The following TMPRSS15 variants were observed in gnomAD, a reference collection of about 807,000 sequenced individuals.
The protein encoded by TMPRSS15 is transmembrane serine protease 15.
TMPRSS15 carries 128 observed loss-of-function variants against 125.3 expected under a neutral mutation model. The observed-to-expected ratio is 1.02, with a 90% CI of 0.89 to 1.18. The LOEUF (loss-of-function observed/expected upper bound fraction) is 1.18. TMPRSS15 is among the 50% of genes most tolerant of loss of function. The probability of loss-of-function intolerance (pLI) is 0.00; values close to 1 mark genes in which losing one functional copy is unlikely to be tolerated. For missense variants in TMPRSS15, 1,283 were observed against 1,212.7 expected (o/e 1.06, Z -0.86); for synonymous variants, 446 against 423.2 (o/e 1.05, Z -0.66).
intron 1 of TMPRSS15, among the ~76,000 whole-genome samples, chr21:18,401,922 A>G (rs1190035359): frequency 6.6e-6 from 1 of 152,188 alleles, no homozygotes; most frequent in Non-Finnish European, 1.5e-5. Context: ...AGGGATTCCA[A>G]TGGACTTTCA....
intron 6 of TMPRSS15, 91 bp downstream of exon 6, chr21:18,372,102 G>GTGTGTGTGTGTGTGTGTT: frequency 1.3e-6 from 1 of 772,902 alleles, no homozygotes; most frequent in Non-Finnish European, 2.0e-6. Context: ...ATTAGAATGT[G>GTGTGTGTGTGTGTGTGTT]TGTGTGTGTG....
At chr21:18,284,157 T>TC (rs1315753776) in intron 21 of TMPRSS15, among the ~76,000 whole-genome samples, 3 of 152,168 alleles carry the variant, frequency 2.0e-5, no homozygotes, top group Admixed American at 1.3e-4. Flanking sequence ...CCGCCATGTA[T>TC]CATTTACATC....
At chr21:18,406,174 C>T (rs1432079002), upstream of TMPRSS15, among the ~76,000 whole-genome samples, 1 of 152,138 alleles carries the variant, frequency 6.6e-6, no homozygotes, top group Non-Finnish European at 1.5e-5. Context: ...CAGTTACCAT[C>T]ATAGGCATCT....
At chr21:18,281,905 G>A (rs1301069942) in intron 21 of TMPRSS15, among the ~76,000 whole-genome samples, 1 of 151,860 alleles carries the variant, frequency 6.6e-6, no homozygotes, top group Non-Finnish European at 1.5e-5. Flanking sequence ...AGACCATCTT[G>A]GTTAACACGG....
At chr21:18,421,984 C>CT (rs569146471) in intron 1 of TMPRSS15, among the ~76,000 whole-genome samples, 3,626 of 135,092 alleles carry the variant, frequency 0.027, 96 homozygotes, top group African/African-American at 0.052. Flanking sequence ...AAGTATTACT[C>CT]TTTTTTTTTT....
intron 16 of TMPRSS15, among the ~76,000 whole-genome samples, chr21:18,319,680 C>T (rs896658086): frequency 3.3e-5 from 5 of 152,144 alleles, no homozygotes; most frequent in Admixed American, 1.3e-4. Context: ...CTGGCCGCCT[C>T]GGCCTCCCAA....
chr21:18,413,718 G>A lies in TMPRSS15; in HGVS notation c.11-15389C>T, dbSNP rs545027809. Reference sequence around the variant, plus strand: ...GCTGAGATTACAGGCGTGAGCCACCGCGTCCTGAACTCTTTATTTCTTGCT... The same window carrying A: ...GCTGAGATTACAGGCGTGAGCCACCACGTCCTGAACTCTTTATTTCTTGCT... On this transcript the variant is annotated intron_variant, in intron 1 of 7. Transcript: ENST00000422787. Among the ~76,000 whole-genome samples, 452 of 150,882 alleles carry A rather than the reference G, an allele frequency of 3.0e-3. 1 individual carries two copies. The highest frequency in any genetic ancestry group is 0.01 in the African/African-American group (424 of 41,078).
intron 18 of TMPRSS15, among the ~76,000 whole-genome samples, chr21:18,305,365 T>A (rs920337894): frequency 1.9e-4 from 29 of 151,972 alleles, no homozygotes; most frequent in Non-Finnish European, 3.8e-4. Flanking sequence ...ATTTTTTGTA[T>A]TTTTAGTAGA....
intron 1 of TMPRSS15, among the ~76,000 whole-genome samples, chr21:18,428,444 C>T (rs1310524501): frequency 1.3e-5 from 2 of 152,150 alleles, no homozygotes; most frequent in Non-Finnish European, 2.9e-5. Context: ...GTCTCCAGGG[C>T]ATGTCAGAGG....
chr21:18,314,449 C>T (rs775435180), intron 17 of TMPRSS15, among the ~76,000 whole-genome samples: 20 of 151,690 alleles, frequency 1.3e-4, no homozygotes, highest in Middle Eastern at 6.8e-3. Context: ...TGGCAAATTT[C>T]GTATTTTTAG....
chr21:18,474,538 C>A (rs1406462533), intron 1 of TMPRSS15, among the ~76,000 whole-genome samples: 1 of 152,110 alleles, frequency 6.6e-6, no homozygotes, highest in African/African-American at 2.4e-5. Context: ...GATCCATACA[C>A]CTCGGCCTCC....
intron 23 of TMPRSS15, 147 bp from the exon 24 acceptor site, chr21:18,275,483 C>T (rs2074609105): frequency 1.1e-6 from 1 of 936,780 alleles, no homozygotes; most frequent in East Asian, 2.6e-5. Flanking sequence ...CTAAACCTTG[C>T]ACACTAAAGC....
intron 16 of TMPRSS15, among the ~76,000 whole-genome samples, chr21:18,321,996 C>T (rs2824740): frequency 0.56 from 85,159 of 152,000 alleles, 24,328 homozygotes; most frequent in East Asian, 0.66. Context: ...AAAATAACTT[C>T]ATACATTACA....
intron 18 of TMPRSS15, among the ~76,000 whole-genome samples, chr21:18,306,664 T>C (rs1256379201): frequency 6.6e-6 from 1 of 152,018 alleles, no homozygotes. Flanking sequence ...TTTACAGAAA[T>C]GATGTTTTTT....
At chr21:18,346,880 C>A (rs1037068179) in intron 10 of TMPRSS15, among the ~76,000 whole-genome samples, 1 of 152,132 alleles carries the variant, frequency 6.6e-6, no homozygotes, top group South Asian at 2.1e-4. Flanking sequence ...CTTATTAAAC[C>A]AAATACAAAT....
intron 1 of TMPRSS15, among the ~76,000 whole-genome samples, chr21:18,464,418 G>C (rs1412707701): frequency 1.3e-5 from 2 of 151,866 alleles, no homozygotes; most frequent in Non-Finnish European, 2.9e-5. Flanking sequence ...GATCAGAGCA[G>C]AATTGAAGGA....
chr21:18,326,667 G>T, intron 15 of TMPRSS15, 95 bp from the exon 16 acceptor site: 1 of 1,450,050 alleles, frequency 6.9e-7, no homozygotes, highest in Non-Finnish European at 9.6e-7. Flanking sequence ...CAGACGTAGG[G>T]CTACATGTTA....
At chr21:18,310,934 T>TTTC (rs1491382975) in intron 18 of TMPRSS15, among the ~76,000 whole-genome samples, 329 of 21,764 alleles carry the variant, frequency 0.015, 4 homozygotes, top group African/African-American at 0.051. Flanking sequence ...CCACTGATTC[T>TTTC]TTTTTTTTTT....
intron 23 of TMPRSS15, among the ~76,000 whole-genome samples, chr21:18,276,729 T>C (rs1220492746): frequency 1.3e-5 from 2 of 151,560 alleles, no homozygotes; most frequent in African/African-American, 2.4e-5. Flanking sequence ...TAGTATAATA[T>C]ACTCAAAAGA....
Sources: allele counts gnomAD v4.1 joint callset (sites outside exome capture counted in the v4.1 genomes callset), GRCh38; gene constraint gnomAD v4.1.1; transcripts MANE v1.5; gene names NCBI Gene and HGNC (gene_info 2026-07-23, HGNC 2026-07-21).